Variants in PAK4 observed in about 807,000 individuals in gnomAD.
The protein encoded by PAK4 is serine/threonine-protein kinase PAK 4.
PAK4 carries 49 observed loss-of-function variants against 53.5 expected under a neutral mutation model. That is an observed-to-expected ratio of 0.92 (90% CI 0.73 to 1.16). The LOEUF is 1.16. Among genes scored for constraint, PAK4 ranks in the 50% most tolerant of loss-of-function variants. The pLI is 0.00. For synonymous variants in PAK4, 376 were observed against 375.6 expected, an observed-to-expected ratio of 1.00 and a Z score of -0.01; for missense variants, 824 against 850.7, an observed-to-expected ratio of 0.97 and a Z score of 0.39.
intron 1 of PAK4, among the ~76,000 whole-genome samples, chr19:39,160,510 G>A (rs377564695): frequency 2.6e-5 from 4 of 152,148 alleles, no homozygotes; most frequent in Admixed American, 6.5e-5. Context: ...GCAGCCTCTC[G>A]GAGGAGGTTT....
intron 1 of PAK4, 25 bp from the exon 3 acceptor site, chr19:39,169,507 C>G: frequency 6.5e-7 from 1 of 1,527,506 alleles, no homozygotes; most frequent in Non-Finnish European, 9.1e-7. Context: ...GGCTCTCACT[C>G]ACCCACCGTG....
At chr19:39,153,530 C>T (rs1249775164) in intron 1 of PAK4, among the ~76,000 whole-genome samples, 1 of 152,220 alleles carries the variant, frequency 6.6e-6, no homozygotes. Context: ...CAACCTTCGC[C>T]TCCCAGGTTC....
At chr19:39,176,487 C>T in intron 6 of PAK4, 103 bp from the exon 8 acceptor site, 1 of 1,484,962 alleles carries the variant, frequency 6.7e-7, no homozygotes, top group Non-Finnish European at 9.3e-7. Context: ...GACCTCTGGG[C>T]CGCACATTGT....
intron 1 of PAK4, among the ~76,000 whole-genome samples, chr19:39,130,582 C>T (rs1053340694): frequency 5.3e-5 from 8 of 151,894 alleles, no homozygotes; most frequent in East Asian, 1.9e-4. Flanking sequence ...TCAGATAGGC[C>T]GGTGTAGGCT....
At chr19:39,128,064 C>A (rs781467711) in intron 1 of PAK4, among the ~76,000 whole-genome samples, 2 of 152,100 alleles carry the variant, frequency 1.3e-5, no homozygotes, top group Non-Finnish European at 2.9e-5. Flanking sequence ...CTTGATGGAG[C>A]GTGATTCAGA....
At chr19:39,170,603 G>A (rs900836573) in intron 2 of PAK4, among the ~76,000 whole-genome samples, 3 of 152,324 alleles carry the variant, frequency 2.0e-5, no homozygotes, top group African/African-American at 7.2e-5. Flanking sequence ...AGGAGGGGCC[G>A]CAGGCCAAGG....
At chr19:39,153,383 C>T (rs1334310845) in intron 1 of PAK4, among the ~76,000 whole-genome samples, 11 of 152,246 alleles carry the variant, frequency 7.2e-5, no homozygotes, top group African/African-American at 2.7e-4. Context: ...CTCAGCCTCC[C>T]GAGTAGCTGG....
At position 39,173,575 on chromosome 19, in the gene PAK4, G is replaced by C. The variant is rs766892844; in HGVS notation, c.664-1G>C. The C allele has an allele frequency of 4.6e-6, 7 of 1,519,706 alleles. No homozygotes were observed. Among genetic ancestry groups the C allele is most frequent in the Non-Finnish European group, 6.2e-6 (7 of 1,135,358 alleles). The allele number at this position is 1,519,706 out of a possible 1,614,324, so 94.1% of individuals were successfully genotyped here. A position where few individuals can be genotyped will look rare whatever the true frequency, so the allele number is the denominator to read the frequency against. Reference sequence around the variant, plus strand: ...TGACAGCTACCTCTCTTCTGTTTCAGGGGGAGCCTCATGACGTGGCCCCTA... The same window carrying C: ...TGACAGCTACCTCTCTTCTGTTTCACGGGGAGCCTCATGACGTGGCCCCTA... On this transcript the variant is annotated splice_acceptor_variant, in intron 3 of 8. Coordinates refer to ENST00000358301, the Ensembl canonical transcript of PAK4. LOFTEE classifies it high-confidence loss of function. The surrounding 1 kb of genome is among the most constrained non-coding windows in gnomAD (Gnocchi z 6.9).
rs572209921 is a variant in PAK4 at position 39,161,787 on chromosome 19, C to A, written c.-22-7745C>A. Among the ~76,000 whole-genome samples, 1 of 151,906 alleles carries A rather than the reference C, an allele frequency of 6.6e-6. No homozygotes were observed. Among genetic ancestry groups the A allele is most frequent in the African/African-American group, 2.4e-5 (1 of 41,346 alleles). ...CCCTGCTCCAGCCACGTGGCCTCCTCGCTGTCCCTTGACCATATCAAGCAA... is the reference window on the plus strand; with the variant it reads ...CCCTGCTCCAGCCACGTGGCCTCCTAGCTGTCCCTTGACCATATCAAGCAA... On this transcript the variant is annotated intron_variant, in intron 1 of 8. Coordinates refer to ENST00000358301, the Ensembl canonical transcript of PAK4. This position sits in a 1 kb window ranked among gnomAD's most constrained non-coding sequence, Gnocchi z 4.5.
intron 1 of PAK4, among the ~76,000 whole-genome samples, chr19:39,164,758 T>A (rs1167604886): frequency 6.6e-6 from 1 of 152,148 alleles, no homozygotes; most frequent in African/African-American, 2.4e-5. Context: ...ATTTTACCTT[T>A]GTGAGTCTCT....
rs544409903 is a variant in PAK4 at position 39,166,520 on chromosome 19, C to T, written c.-22-3012C>T. On this transcript the variant is annotated intron_variant, in intron 1 of 8. Coordinates refer to ENST00000358301, the Ensembl canonical transcript of PAK4. ...AACAGAGGAGGAAACTGAGGCACAG[C>T]GTGGCTGAGTTGCTCACCCAGGGCC... Among the ~76,000 whole-genome samples, 8 of 152,344 alleles carry T rather than the reference C, an allele frequency of 5.3e-5. No individual in the cohort carries two copies. The South Asian group carries it at 8.3e-4, about 16-fold the overall frequency.
intron 1 of PAK4, among the ~76,000 whole-genome samples, chr19:39,144,609 G>A (rs1398879231): frequency 3.3e-5 from 5 of 152,226 alleles, no homozygotes; most frequent in Non-Finnish European, 7.3e-5. Flanking sequence ...GAGAGTGCCT[G>A]GTATGTGGAG....
chr19:39,143,030 G>A (rs2073935474), intron 1 of PAK4, among the ~76,000 whole-genome samples: 1 of 152,156 alleles, frequency 6.6e-6, no homozygotes, highest in South Asian at 2.1e-4. Context: ...ACTCTGCATG[G>A]CTTCCTCACC....
intron 1 of PAK4, among the ~76,000 whole-genome samples, chr19:39,165,187 A>G (rs1028012204): frequency 1.8e-5 from 2 of 108,396 alleles, no homozygotes; most frequent in African/African-American, 6.9e-5. Flanking sequence ...GAGGATGATG[A>G]TGATGATGAT....
chr19:39,134,181 C>T (rs1328383240), intron 1 of PAK4, among the ~76,000 whole-genome samples: 2 of 152,246 alleles, frequency 1.3e-5, no homozygotes, highest in African/African-American at 4.8e-5. Flanking sequence ...GCGCTTCTAA[C>T]TCCACTGCTT....
chr19:39,177,654 C>T lies in PAK4; in HGVS notation c.1486-21C>T, dbSNP rs374425262. The T allele has an allele frequency of 1.8e-5, 29 of 1,606,120 alleles. No individual in the cohort carries two copies. In the African/African-American group the frequency reaches 3.7e-4, roughly 21 times the overall value. Reference sequence around the variant, plus strand: ...ACCATCCCCCAACAGCTCAGCCCTGCTGTCCCTTCTCCCGCCCCAGGTAGA... The same window carrying T: ...ACCATCCCCCAACAGCTCAGCCCTGTTGTCCCTTCTCCCGCCCCAGGTAGA... On this transcript the variant is annotated intron_variant, in intron 7 of 8. Coordinates refer to ENST00000358301, the Ensembl canonical transcript of PAK4.
rs761124684 is a variant in PAK4, at chr19:39,175,264, C to G, written c.1233-48C>G. ...GGCAGGGCTGCGTCCCCCTCGGCAC[C>G]CCGGGGTGCTGTCCAGCTGGCTGCT... On this transcript the variant is annotated intron_variant, in intron 5 of 8. Coordinates refer to ENST00000358301, the Ensembl canonical transcript of PAK4. The surrounding 1 kb of genome is among the most constrained non-coding windows in gnomAD (Gnocchi z 4.7). The G allele has an allele frequency of 4.5e-6, 7 of 1,542,658 alleles. No individual in the cohort carries two copies. The highest frequency in any genetic ancestry group is 6.1e-6 in the Non-Finnish European group (7 of 1,138,600).
intron 1 of PAK4, among the ~76,000 whole-genome samples, chr19:39,138,043 T>A (rs67248178): frequency 0.27 from 40,083 of 150,726 alleles, 5,384 homozygotes; most frequent in East Asian, 0.39. Flanking sequence ...GTGCAGTGGT[T>A]CAAGATTGGC....
In PAK4 at chr19:39,173,418, C is replaced by T. The variant is rs777959210; in HGVS notation, c.663+42C>T. 10 of 1,444,918 alleles carry T rather than the reference C, an allele frequency of 6.9e-6. No individual in the cohort carries two copies. Among genetic ancestry groups the T allele is most frequent in the East Asian group, 4.8e-5 (2 of 41,922 alleles). 89.5% of individuals were successfully genotyped at this position (1,444,918 alleles called of 1,614,324 possible). A position where few individuals can be genotyped will look rare whatever the true frequency, so the allele number is the denominator to read the frequency against. On this transcript the variant is annotated intron_variant, in intron 3 of 8. Transcript: ENST00000358301. This position sits in a 1 kb window ranked among gnomAD's most constrained non-coding sequence, Gnocchi z 6.9. ...CCCAGGGCCCCCACTGTCCCCTGCC[C>T]GTTGCTCCTCTGTCCCCACCTTCCA...
Sources: allele counts gnomAD v4.1 joint callset (sites outside exome capture counted in the v4.1 genomes callset), GRCh38; gene constraint gnomAD v4.1.1; non-coding constraint Gnocchi (gnomAD v3.1); transcripts MANE v1.5; gene names NCBI Gene and HGNC (gene_info 2026-07-23, HGNC 2026-07-21).